METTL15: variants seen among roughly 807,000 people sequenced by gnomAD.
The protein encoded by METTL15 is 12S rRNA N(4)-cytidine methyltransferase METTL15.
Under a neutral mutation model 38.3 loss-of-function variants are expected in METTL15, and 34 were observed. That is an observed-to-expected ratio of 0.89 (90% CI 0.68 to 1.18). The LOEUF is 1.18. Among genes scored for constraint, METTL15 ranks in the 50% most tolerant of loss-of-function variants. METTL15 has a pLI of 0.00. For synonymous variants in METTL15, 162 were observed against 170.9 expected (o/e 0.95, Z 0.41); for missense variants, 438 against 498.4 (o/e 0.88, Z 1.15).
intron 3 of METTL15, among the ~76,000 whole-genome samples, chr11:28,130,968 G>C (rs1355420151): frequency 6.6e-6 from 1 of 152,108 alleles, no homozygotes; most frequent in Non-Finnish European, 1.5e-5. Flanking sequence ...GTAAGTCATG[G>C]AGACCTTGGA....
intron 3 of METTL15, among the ~76,000 whole-genome samples, chr11:28,194,934 A>G (rs1055086799): frequency 1.2e-4 from 18 of 151,882 alleles, no homozygotes; most frequent in African/African-American, 3.9e-4. Context: ...CTCCCTTTAT[A>G]AGGGAGAACA....
At chr11:28,179,140 A>G (rs1851188302) in intron 3 of METTL15, among the ~76,000 whole-genome samples, 1 of 151,828 alleles carries the variant, frequency 6.6e-6, no homozygotes, top group Admixed American at 6.6e-5. Flanking sequence ...TTTGAATCTA[A>G]TCTGGAAATG....
chr11:28,311,781 T>C (rs1857313164), intron 6 of METTL15, among the ~76,000 whole-genome samples: 1 of 152,280 alleles, frequency 6.6e-6, no homozygotes, highest in African/African-American at 2.4e-5. Context: ...TTTTTAACCT[T>C]TGTTGAATGA....
rs115712147 is a variant in METTL15, at chr11:28,523,329, C to T, written c.*425-3149C>T. Among the ~76,000 whole-genome samples the T allele has an allele frequency of 7.9e-3, 1,201 of 152,306 alleles. 23 individuals are homozygous for T. Among genetic ancestry groups the T allele is most frequent in the African/African-American group, 0.027 (1,136 of 41,560 alleles). ...TGAGCAAAAATAATATATGTCATTA[C>T]ATAGTCTAGCCTATAAAATTCTCCC... is the stretch of plus-strand genomic sequence containing the variant. On this transcript the variant is annotated intron_variant and NMD_transcript_variant, in intron 6 of 7. Coordinates refer to the METTL15 transcript ENST00000532947.
At chr11:28,179,100 C>T (rs1851186132) in intron 3 of METTL15, among the ~76,000 whole-genome samples, 1 of 151,688 alleles carries the variant, frequency 6.6e-6, no homozygotes, top group South Asian at 2.1e-4. Flanking sequence ...ATGCACACAC[C>T]TGTGTGCACA....
chr11:28,112,827 C>T (rs1698118575), intron 2 of METTL15, among the ~76,000 whole-genome samples: 1 of 152,024 alleles, frequency 6.6e-6, no homozygotes, highest in South Asian at 2.1e-4. Context: ...GGGATAGTCT[C>T]TGAAGATGAG....
At chr11:28,293,395 G>T (rs1268324302) in intron 5 of METTL15, among the ~76,000 whole-genome samples, 1 of 152,112 alleles carries the variant, frequency 6.6e-6, no homozygotes, top group East Asian at 1.9e-4. Flanking sequence ...TGAGGGCTCT[G>T]TTCTGTTCCA....
intron 3 of METTL15, chr11:28,122,290 TTCTTGGTTATC>T (rs1181598544): frequency 3.9e-5 from 28 of 709,904 alleles, no homozygotes; most frequent in Non-Finnish European, 5.3e-5. Flanking sequence ...GAAATTAGTT[TTCTTGGTTATC>T]TCTTCAAATC....
At chr11:28,522,130 C>T (rs1380523671) in intron 6 of METTL15, among the ~76,000 whole-genome samples, 1 of 152,176 alleles carries the variant, frequency 6.6e-6, no homozygotes, top group Non-Finnish European at 1.5e-5. Context: ...ACAGGAGAAT[C>T]TGGGGGATGT....
intron 6 of METTL15, among the ~76,000 whole-genome samples, chr11:28,436,634 A>T (rs1197738678): frequency 6.6e-6 from 1 of 152,086 alleles, no homozygotes; most frequent in Non-Finnish European, 1.5e-5. Context: ...TAGGCTCAGC[A>T]GAAAAAGCTA....
rs182736707 is a variant in METTL15, at chr11:28,153,174, A to G, written c.270+39570A>G. Among the ~76,000 whole-genome samples the G allele has an allele frequency of 2.1e-4, 32 of 151,684 alleles. No homozygotes were observed. In the East Asian group the frequency reaches 2.7e-3, roughly 13 times the overall value. The stretch of plus-strand genomic sequence containing the variant: ...TGACTATATCTTGTGCTGACCTCCT[A>G]TTTCTTCCTGTGACTTACAATGTCT... On this transcript the variant is annotated intron_variant, in intron 3 of 6. Transcript: ENST00000407364.
At chr11:28,481,712 G>C (rs927784744) in intron 6 of METTL15, among the ~76,000 whole-genome samples, 1 of 152,146 alleles carries the variant, frequency 6.6e-6, no homozygotes, top group Non-Finnish European at 1.5e-5. Context: ...CAAAGCCGCA[G>C]CTCAGGCTGC....
chr11:28,174,338 A>G (rs1277123620), intron 3 of METTL15, among the ~76,000 whole-genome samples: 2 of 152,118 alleles, frequency 1.3e-5, no homozygotes, highest in African/African-American at 4.8e-5. Context: ...ATTATAACCA[A>G]GGTTTTCCCA....
intron 6 of METTL15, among the ~76,000 whole-genome samples, chr11:28,465,704 C>T (rs559872753): frequency 1.3e-5 from 2 of 152,278 alleles, no homozygotes; most frequent in African/African-American, 2.4e-5. Context: ...ATTCACTACT[C>T]ATCTGTTTCT....
intron 3 of METTL15, among the ~76,000 whole-genome samples, chr11:28,205,406 T>C (rs916760723): frequency 2.6e-5 from 4 of 152,094 alleles, no homozygotes; most frequent in African/African-American, 9.7e-5. Flanking sequence ...AATTTCCAAT[T>C]TCATCCATGT....
At chr11:28,289,971 A>G (rs899087795) in intron 4 of METTL15, among the ~76,000 whole-genome samples, 1 of 152,174 alleles carries the variant, frequency 6.6e-6, no homozygotes, top group Admixed American at 6.6e-5. Flanking sequence ...TCACAAAGAT[A>G]TACAATAAAT....
intron 6 of METTL15, among the ~76,000 whole-genome samples, chr11:28,486,097 G>A (rs1247617127): frequency 2.6e-5 from 4 of 152,298 alleles, no homozygotes; most frequent in Middle Eastern, 6.8e-3. Context: ...CATAGTTAGC[G>A]CTATGAGAAG....
downstream of METTL15, among the ~76,000 whole-genome samples, chr11:28,527,901 T>C (rs1156634454): frequency 2.0e-5 from 3 of 152,360 alleles, no homozygotes; most frequent in East Asian, 5.8e-4. Flanking sequence ...GGTCTGGCAT[T>C]ATTTCATAAT....
chr11:28,158,726 T>C (rs1331982385), intron 3 of METTL15, among the ~76,000 whole-genome samples: 1 of 152,212 alleles, frequency 6.6e-6, no homozygotes, highest in Non-Finnish European at 1.5e-5. Flanking sequence ...GCACTCACTT[T>C]ATGGCTTAAG....
Sources: gnomAD v4.1 joint callset for allele counts (sites outside exome capture counted in the v4.1 genomes callset) on GRCh38, gnomAD v4.1.1 for gene constraint, MANE v1.5 for transcripts, NCBI Gene and HGNC (gene_info 2026-07-23, HGNC 2026-07-21) for gene names.